COL14A1: variants seen among roughly 807,000 people sequenced by gnomAD.
The protein encoded by COL14A1 is collagen alpha-1(XIV) chain.
Under a neutral mutation model 230.3 loss-of-function variants are expected in COL14A1, and 136 were observed. The ratio of observed to expected loss-of-function variants is 0.59; its 90% CI spans 0.51 to 0.68. The LOEUF is 0.68. Ranked by LOEUF, COL14A1 falls within the 30% of genes least tolerant of loss-of-function variation. The pLI is 0.00. For missense variants in COL14A1, 1,976 were observed against 2,215.8 expected (o/e 0.89, Z 2.17); for synonymous variants, 792 against 784.1 (o/e 1.01, Z -0.17).
rs535009222 is a variant in COL14A1, at chr8:120,279,248, T to C, written c.3481+670T>C. ...GGTTGATAGGTGCAGTAAACCACCA[T>C]GGCACACGTATACCTATGTAAAAAA... On this transcript the variant is annotated intron_variant, in intron 28 of 47. Transcript: ENST00000297848. Among the ~76,000 whole-genome samples the C allele has an allele frequency of 6.8e-4, 104 of 152,128 alleles. 1 individual carries two copies. Among genetic ancestry groups the C allele is most frequent in the Non-Finnish European group, 4.6e-4 (31 of 68,014 alleles).
In COL14A1 at chr8:120,354,769, G is replaced by A. The variant is rs1009019184; in HGVS notation, c.5077+9206G>A. On this transcript the variant is annotated intron_variant, in intron 45 of 47. Transcript: ENST00000297848. ...ATGTTGTTCAAGTTTTCTATCTGAA[G>A]CTTGAAATCCCACTTAGATTTTTCT... Among the ~76,000 whole-genome samples the A allele has an allele frequency of 4.6e-5, 7 of 152,260 alleles. No homozygotes were observed. In the East Asian group the frequency reaches 1.4e-3, roughly 29 times the overall value.
chr8:120,181,788 C>CA (rs1435294852), intron 5 of COL14A1, among the ~76,000 whole-genome samples: 2 of 152,098 alleles, frequency 1.3e-5, no homozygotes, highest in Non-Finnish European at 2.9e-5. Flanking sequence ...TAGACCCCCC[C>CA]AAAAAATACA....
intron 12 of COL14A1, among the ~76,000 whole-genome samples, chr8:120,211,084 C>G (rs997145564): frequency 6.6e-6 from 1 of 152,050 alleles, no homozygotes; most frequent in Non-Finnish European, 1.5e-5. Flanking sequence ...TAACTGCTGG[C>G]GGGCATATAG....
intron 36 of COL14A1, among the ~76,000 whole-genome samples, chr8:120,305,975 C>G (rs897340200): frequency 4.6e-5 from 7 of 152,100 alleles, no homozygotes; most frequent in African/African-American, 1.7e-4. Flanking sequence ...TTTATGTGCT[C>G]TTACTACCCA....
intron 8 of COL14A1, among the ~76,000 whole-genome samples, chr8:120,200,049 G>A (rs867565803): frequency 8.2e-6 from 1 of 121,910 alleles, no homozygotes; most frequent in Middle Eastern, 4.2e-3. Flanking sequence ...GTGTGAAAAA[G>A]CATATATATA....
intron 42 of COL14A1, among the ~76,000 whole-genome samples, chr8:120,334,378 A>G (rs1304794515): frequency 9.4e-6 from 1 of 106,180 alleles, no homozygotes; most frequent in Non-Finnish European, 1.8e-5. Context: ...TCCAACTACA[A>G]TGTCATTCAA....
At chr8:120,190,895 CT>C (rs1816801546) in intron 5 of COL14A1, among the ~76,000 whole-genome samples, 1 of 151,566 alleles carries the variant, frequency 6.6e-6, no homozygotes, top group Non-Finnish European at 1.5e-5. Flanking sequence ...GTGATATCCC[CT>C]TTATCATTTT....
At chr8:120,273,711 GA>G (rs1184715879) in intron 26 of COL14A1, among the ~76,000 whole-genome samples, 1 of 150,840 alleles carries the variant, frequency 6.6e-6, no homozygotes, top group Non-Finnish European at 1.5e-5. Context: ...TAAATTCCTG[GA>G]AACAACAACC....
At chr8:120,292,930 A>G (rs923508827) in intron 34 of COL14A1, among the ~76,000 whole-genome samples, 1 of 152,108 alleles carries the variant, frequency 6.6e-6, no homozygotes, top group Admixed American at 6.5e-5. Flanking sequence ...ACTGGTGTTC[A>G]GCAATGCAAG....
At chr8:120,237,803 C>T (rs1187720390) in intron 19 of COL14A1, among the ~76,000 whole-genome samples, 2 of 151,964 alleles carry the variant, frequency 1.3e-5, no homozygotes, top group African/African-American at 4.8e-5. Context: ...TTTGAGTGGT[C>T]GTCCTTTTTG....
rs1409495444 is a variant in COL14A1, at chr8:120,298,627, A to G, written c.4314+1039A>G. 2.4e-5 allele frequency among the ~76,000 whole-genome samples: 3 copies of G among 124,764 alleles called. 1 individual carries two copies. Among genetic ancestry groups the G allele is most frequent in the African/African-American group, 9.2e-5 (3 of 32,666 alleles). 81.9% of individuals were successfully genotyped at this position (124,764 alleles called of 152,430 possible). On this transcript the variant is annotated intron_variant, in intron 35 of 47. Transcript: ENST00000297848. ...TATATATATATATATATATATATAT[A>G]TATATATATATACAAAAATACAGAT...
intron 11 of COL14A1, 111 bp from the exon 12 acceptor site, chr8:120,209,645 A>G: frequency 9.2e-7 from 1 of 1,084,236 alleles, no homozygotes; most frequent in Admixed American, 2.5e-5. Context: ...TTTATTCTTA[A>G]TCCCTTTCTC....
chr8:120,246,737 T>C (rs1011998051), intron 20 of COL14A1, among the ~76,000 whole-genome samples: 1 of 152,188 alleles, frequency 6.6e-6, no homozygotes, highest in African/African-American at 2.4e-5. Context: ...CCAACACAAC[T>C]ACGTTTTATC....
At chr8:120,326,981 G>A (rs996665402) in intron 40 of COL14A1, among the ~76,000 whole-genome samples, 2 of 152,192 alleles carry the variant, frequency 1.3e-5, no homozygotes, top group Non-Finnish European at 2.9e-5. Flanking sequence ...AGCCGAGATT[G>A]TGCCACTGTA....
rs111831784 is a variant in COL14A1 at position 120,358,233 on chromosome 8, T to A, written c.5078-8938T>A. 5.8e-3 allele frequency among the ~76,000 whole-genome samples: 876 copies of A among 152,310 alleles called. 6 individuals carry two copies. The highest frequency in any genetic ancestry group is 0.02 in the African/African-American group (841 of 41,558). On this transcript the variant is annotated intron_variant, in intron 45 of 47. Coordinates refer to ENST00000297848, the MANE Select transcript of COL14A1 (RefSeq NM_021110.4). ...GCTGATTAATCCCACCGCATTAGTG[T>A]GTGACACATGTCATTCAATACCCAG...
intron 45 of COL14A1, among the ~76,000 whole-genome samples, chr8:120,358,824 T>A (rs1166073028): frequency 6.6e-6 from 1 of 152,150 alleles, no homozygotes; most frequent in Non-Finnish European, 1.5e-5. Context: ...TTTGGTGAAT[T>A]TTTTGACATG....
chr8:120,260,204 C>A (rs1235327320), intron 23 of COL14A1, among the ~76,000 whole-genome samples: 1 of 151,914 alleles, frequency 6.6e-6, no homozygotes, highest in African/African-American at 2.4e-5. Flanking sequence ...AGCTTTAATT[C>A]ATTTATATTT....
rs546011822 is a variant in COL14A1, at chr8:120,250,915, C to A, written c.2752+149C>A. 5,388 of 841,502 alleles carry A rather than the reference C, an allele frequency of 6.4e-3. 31 individuals carry two copies. Among genetic ancestry groups the A allele is most frequent in the Non-Finnish European group, 8.7e-3 (4,821 of 554,820 alleles). 52.1% of individuals were successfully genotyped at this position (841,502 alleles called of 1,614,324 possible). On this transcript the variant is annotated intron_variant, in intron 22 of 47. Coordinates refer to ENST00000297848, the MANE Select transcript of COL14A1 (RefSeq NM_021110.4). The stretch of plus-strand genomic sequence containing the variant: ...ATCCGCCTCCAGGGTTCAAGTGATT[C>A]TCCTGCCTCAGCCTCTCGAGTAGCT...
chr8:120,162,416 T>G lies in COL14A1; in HGVS notation c.206-10T>G. ...TCTTAGAACTGATTTATTTTTCTCT[T>G]TTATTATAGGTGGAAAAACTAACCA... On this transcript the variant is annotated splice_polypyrimidine_tract_variant and intron_variant, in intron 3 of 47. Transcript: ENST00000297848. The G allele has an allele frequency of 6.3e-7, 1 of 1,586,862 alleles. No individual in the cohort carries two copies. Among genetic ancestry groups the G allele is most frequent in the South Asian group, 1.2e-5 (1 of 85,072 alleles).
Sources: allele counts gnomAD v4.1 joint callset (sites outside exome capture counted in the v4.1 genomes callset), GRCh38; gene constraint gnomAD v4.1.1; transcripts MANE v1.5; gene names NCBI Gene and HGNC (gene_info 2026-07-23, HGNC 2026-07-21).